PAK1IP1: variants seen among roughly 807,000 people sequenced by gnomAD.
The protein encoded by PAK1IP1 is p21-activated protein kinase-interacting protein 1.
PAK1IP1 carries 24 observed loss-of-function variants against 42.0 expected under a neutral mutation model. The observed-to-expected ratio is 0.57, with a 90% CI of 0.41 to 0.80. PAK1IP1 has a LOEUF of 0.80. Ranked by LOEUF, PAK1IP1 falls within the 30% of genes least tolerant of loss-of-function variation. PAK1IP1 has a pLI of 0.00. For synonymous variants in PAK1IP1, 154 were observed against 156.7 expected (o/e 0.98, Z 0.13); for missense variants, 411 against 467.9 (o/e 0.88, Z 1.12).
At chr6:10,694,620 C>T (rs992635510), upstream of PAK1IP1, 7 of 186,590 alleles carry the variant, frequency 3.8e-5, no homozygotes, top group Admixed American at 1.8e-4. Context: ...GGAAGTCGGC[C>T]CCACCTCCTC....
At chr6:10,694,556 A>T (rs1047135664), upstream of PAK1IP1, 35 of 169,284 alleles carry the variant, frequency 2.1e-4, no homozygotes, top group African/African-American at 7.2e-4. Flanking sequence ...CCCTACTAGT[A>T]CACAGCCCAC....
intron 4 of PAK1IP1, 47 bp downstream of exon 4, chr6:10,702,686 C>G: frequency 1.5e-6 from 2 of 1,290,628 alleles, no homozygotes; most frequent in Non-Finnish European, 1.1e-6. Flanking sequence ...GTGTGTTTTA[C>G]TACAGCTCTC....
rs34602235 is a variant in PAK1IP1, at chr6:10,709,603, TAA to T, written c.*166_*167del. 0.03 allele frequency: 8,503 copies of T among 282,922 alleles called. 482 individuals carry two copies. Among genetic ancestry groups the T allele is most frequent in the African/African-American group, 0.16 (6,481 of 41,232 alleles). The allele number at this position is 282,922 out of a possible 1,614,324, so 17.5% of individuals were successfully genotyped here. ...AAAACCACTTTTAGATGGTTTTTTT[TAA>T]AAAAAAAAAAAAAACTGGTAAAATT... is the stretch of plus-strand genomic sequence containing the variant. On this transcript the variant is annotated 3_prime_UTR_variant, in exon 10 of 10. Coordinates refer to ENST00000379568, the MANE Select transcript of PAK1IP1 (RefSeq NM_017906.3).
chr6:10,692,826 G>T (rs1769462576), upstream of PAK1IP1, among the ~76,000 whole-genome samples: 1 of 152,178 alleles, frequency 6.6e-6, no homozygotes, highest in African/African-American at 2.4e-5. Context: ...GCCCAGCCAA[G>T]AAAGATTTTG....
intron 4 of PAK1IP1, 55 bp from the exon 5 acceptor site, chr6:10,703,350 C>A: frequency 7.6e-7 from 1 of 1,315,796 alleles, no homozygotes; most frequent in Non-Finnish European, 1.1e-6. Context: ...TGTTCTTTTA[C>A]GCTTAGTAAA....
rs1310941584 is a variant in PAK1IP1 at position 10,702,599 on chromosome 6, G to A, written c.403G>A (p.Gly135Ser). Residue 135 changes from glycine (G) to serine (S), a missense_variant, in exon 4 of 10, where the codon GGC (glycine) becomes AGC (serine). Transcript: ENST00000379568. ...QVTFLSIHPSGKLALSVGTDK... is the reference protein window; with the variant it reads ...QVTFLSIHPSSKLALSVGTDK... ...GACCTTCCTTTCTATTCACCCATCT[G>A]GCAAGTTGGCCCTGTCGGTTGGTAC... 1 of 1,613,828 alleles carries A rather than the reference G, an allele frequency of 6.2e-7. No individual in the cohort carries two copies. The highest frequency in any genetic ancestry group is 8.5e-7 in the Non-Finnish European group (1 of 1,179,948).
chr6:10,691,637 T>C (rs980892990), upstream of PAK1IP1, among the ~76,000 whole-genome samples: 8 of 152,026 alleles, frequency 5.3e-5, no homozygotes, highest in African/African-American at 1.9e-4. Flanking sequence ...CATAAGACAA[T>C]ATGAGGGGTG....
At chr6:10,691,415 G>A (rs982093786), upstream of PAK1IP1, among the ~76,000 whole-genome samples, 3 of 151,980 alleles carry the variant, frequency 2.0e-5, no homozygotes, top group African/African-American at 7.2e-5. Context: ...ACATGACTGG[G>A]GGGCTGCATG....
chr6:10,690,900 T>C (rs1400196283), upstream of PAK1IP1, among the ~76,000 whole-genome samples: 2 of 152,146 alleles, frequency 1.3e-5, no homozygotes, highest in African/African-American at 2.4e-5. Context: ...CCAATCCAGT[T>C]AAACAGGTAT....
At chr6:10,704,155 G>A (rs1770130312) in intron 5 of PAK1IP1, among the ~76,000 whole-genome samples, 1 of 151,970 alleles carries the variant, frequency 6.6e-6, no homozygotes, top group African/African-American at 2.4e-5. Flanking sequence ...CAAGCAGCTG[G>A]GATTACAGGC....
In PAK1IP1 at chr6:10,709,520, T is replaced by C; in HGVS notation, c.*68T>C. ...TCTACTCAAATGTACCTTAATTTTT[T>C]TTTTTTCCCTGAGTAAAAGCAAGAA... On this transcript the variant is annotated 3_prime_UTR_variant, in exon 10 of 10. Transcript: ENST00000379568. The C allele has an allele frequency of 9.4e-7, 1 of 1,069,454 alleles. No homozygotes were observed. Among genetic ancestry groups the C allele is most frequent in the Non-Finnish European group, 1.3e-6 (1 of 795,472 alleles). 66.2% of individuals were successfully genotyped at this position (1,069,454 alleles called of 1,614,324 possible).
Position 10,709,407 on chromosome 6 carries a change from G to A in PAK1IP1, c.1134G>A (p.Met378Ile). 1 of 1,612,794 alleles carries A rather than the reference G, an allele frequency of 6.2e-7. No homozygotes were observed. ...CCAAGAAGAGGAAAATGGTAGAAAT[G>A]TTGGAAAAGAAGAGGAAAAAGAAGA... is the stretch of plus-strand genomic sequence containing the variant. The part of the protein sequence containing the change: ...ISTKKRKMVE[M>I]LEKKRKKKKI... Residue 378 changes from methionine (M) to isoleucine (I), a missense_variant, in exon 10 of 10, where the codon ATG becomes ATA. Physicochemically the swap from Met to Ile is conservative, Grantham distance 10. Coordinates refer to ENST00000379568, the MANE Select transcript of PAK1IP1 (RefSeq NM_017906.3).
upstream of PAK1IP1, among the ~76,000 whole-genome samples, chr6:10,693,664 C>G (rs1769558506): frequency 6.6e-6 from 1 of 152,236 alleles, no homozygotes; most frequent in Non-Finnish European, 1.5e-5. Context: ...AAGATTTACT[C>G]TGTTGGGAGC....
intron 7 of PAK1IP1, among the ~76,000 whole-genome samples, chr6:10,706,224 GAGTT>G (rs1229496254): frequency 6.6e-6 from 1 of 152,068 alleles, no homozygotes; most frequent in Non-Finnish European, 1.5e-5. Flanking sequence ...AATGAAAAAG[GAGTT>G]AGTTTTAAAA....
chr6:10,704,403 A>G (rs1405866289), intron 5 of PAK1IP1, 104 bp from the exon 6 acceptor site: 4 of 668,884 alleles, frequency 6.0e-6, no homozygotes, highest in Admixed American at 6.5e-5. Flanking sequence ...AAATAGGATA[A>G]TGAATTTGAA....
upstream of PAK1IP1, among the ~76,000 whole-genome samples, chr6:10,692,041 AAAC>A (rs1769362028): frequency 6.6e-6 from 1 of 152,208 alleles, no homozygotes. Context: ...AAAGTGTATT[AAAC>A]AAGTATTAAT....
chr6:10,704,232 C>A (rs896760980), intron 5 of PAK1IP1, among the ~76,000 whole-genome samples: 31 of 152,020 alleles, frequency 2.0e-4, no homozygotes, highest in African/African-American at 4.8e-5. Context: ...ACCATGTTTG[C>A]CAGGCTGGTC....
chr6:10,701,395 C>T (rs1385018885), intron 2 of PAK1IP1, among the ~76,000 whole-genome samples: 1 of 152,178 alleles, frequency 6.6e-6, no homozygotes, highest in African/African-American at 2.4e-5. Flanking sequence ...ATTTTCTCTT[C>T]CTGCATTAGT....
intron 2 of PAK1IP1, among the ~76,000 whole-genome samples, chr6:10,699,432 G>A (rs1769961886): frequency 6.6e-6 from 1 of 152,080 alleles, no homozygotes; most frequent in South Asian, 2.1e-4. Flanking sequence ...CTGAAATGCA[G>A]GGGAGGCAAA....
Sources: allele counts gnomAD v4.1 joint callset (sites outside exome capture counted in the v4.1 genomes callset), GRCh38; gene constraint gnomAD v4.1.1; transcripts MANE v1.5; gene names NCBI Gene and HGNC (gene_info 2026-07-23, HGNC 2026-07-21).